The following ADCY2 variants were observed in gnomAD, a reference collection of about 807,000 sequenced individuals.
ADCY2 encodes the protein adenylate cyclase type 2.
A neutral mutation model predicts 125.2 loss-of-function variants in ADCY2; 31 were observed. The ratio of observed to expected loss-of-function variants is 0.25; its 90% CI spans 0.19 to 0.33. The LOEUF (loss-of-function observed/expected upper bound fraction) is 0.33, where lower values mean the gene tolerates loss of function less well. Ranked by LOEUF, ADCY2 falls within the 10% of genes least tolerant of loss-of-function variation. ADCY2 has a pLI of 1.00. For synonymous variants in ADCY2, 512 were observed against 548.4 expected (o/e 0.93, Z 0.93); for missense variants, 904 against 1,418.2 (o/e 0.64, Z 5.82).
At chr5:7,511,115 T>C (rs1744040482) in intron 2 of ADCY2, among the ~76,000 whole-genome samples, 1 of 152,114 alleles carries the variant, frequency 6.6e-6, no homozygotes, top group Non-Finnish European at 1.5e-5. Context: ...TTCATTGAGG[T>C]TTTTTAGGTG....
intron 2 of ADCY2, among the ~76,000 whole-genome samples, chr5:7,475,679 G>A (rs1742499802): frequency 6.6e-6 from 1 of 152,222 alleles, no homozygotes; most frequent in African/African-American, 2.4e-5. Context: ...ACTGCACCCG[G>A]CAAGATGTAT....
chr5:7,428,678 CCATGTTCAAA>C (rs1446497408), intron 2 of ADCY2, among the ~76,000 whole-genome samples: 2 of 152,138 alleles, frequency 1.3e-5, no homozygotes, highest in African/African-American at 4.8e-5. Flanking sequence ...TTTTGTATGT[CCATGTTCAAA>C]CATGATGCAG....
intron 3 of ADCY2, among the ~76,000 whole-genome samples, chr5:7,603,634 A>G (rs2126637733): frequency 6.6e-6 from 1 of 151,892 alleles, no homozygotes; most frequent in South Asian, 2.1e-4. Context: ...TAGACGGGAA[A>G]CTCACCATAT....
chr5:7,541,560 C>T (rs1734997257), intron 3 of ADCY2, among the ~76,000 whole-genome samples: 1 of 152,176 alleles, frequency 6.6e-6, no homozygotes, highest in Non-Finnish European at 1.5e-5. Flanking sequence ...GACCTGGCCC[C>T]AATGGACCAG....
intron 2 of ADCY2, among the ~76,000 whole-genome samples, chr5:7,454,638 T>C (rs1741602775): frequency 6.6e-6 from 1 of 152,362 alleles, no homozygotes; most frequent in Non-Finnish European, 1.5e-5. Flanking sequence ...GCAAAAATTA[T>C]AATGTAAGTA....
chr5:7,789,780 G>T lies in ADCY2; in HGVS notation c.2608G>T (p.Ala870Ser). 7.0e-7 allele frequency: 1 copy of T among 1,421,212 alleles called. No homozygotes were observed. 88.0% of individuals were successfully genotyped at this position (1,421,212 alleles called of 1,614,324 possible). A position where few individuals can be genotyped will look rare whatever the true frequency, so the allele number is the denominator to read the frequency against. ...CGCGCACGTGGCTGAGCACTTCCTGGCCAGGAGCCTGAAGAATGAGGTCAG... is the reference window on the plus strand; with the variant it reads ...CGCGCACGTGGCTGAGCACTTCCTGTCCAGGAGCCTGAAGAATGAGGTCAG... ...LPAHVAEHFL[A>S]RSLKNEELYH... The change falls in exon 20 of 25, where the codon GCC becomes TCC. Residue 870 changes from alanine to serine, a missense_variant. By Grantham distance (99) the Ala-to-Ser change is moderately conservative. This residue lies in a region of ADCY2 where 181 missense variants were observed against 381.6 expected (regional missense o/e 0.47). Coordinates refer to ENST00000338316, the MANE Select transcript of ADCY2 (RefSeq NM_020546.3).
intron 17 of ADCY2, 124 bp from the exon 18 acceptor site, chr5:7,772,808 T>A (rs1298139377): frequency 1.2e-6 from 1 of 838,134 alleles, no homozygotes; most frequent in East Asian, 2.7e-5. Context: ...GAAACAAGCC[T>A]CTGTTTTCAC....
chr5:7,690,876 G>A (rs1361803946), intron 5 of ADCY2, 37 bp downstream of exon 5: 3 of 1,481,798 alleles, frequency 2.0e-6, no homozygotes, highest in Non-Finnish European at 1.8e-6. Context: ...TGGTCTGGGA[G>A]TCTGCCTGAC....
At chr5:7,631,763 A>G (rs1245884851) in intron 4 of ADCY2, among the ~76,000 whole-genome samples, 1 of 152,122 alleles carries the variant, frequency 6.6e-6, no homozygotes, top group Non-Finnish European at 1.5e-5. Context: ...GCCATCCCCA[A>G]AGATCCCTCC....
chr5:7,714,713 T>C (rs993109591), intron 11 of ADCY2, among the ~76,000 whole-genome samples: 2 of 152,246 alleles, frequency 1.3e-5, no homozygotes, highest in African/African-American at 4.8e-5. Context: ...TCTGTAGTCA[T>C]TGATCTTTGG....
chr5:7,570,106 A>G (rs1189876737), intron 3 of ADCY2, among the ~76,000 whole-genome samples: 1 of 152,090 alleles, frequency 6.6e-6, no homozygotes, highest in Non-Finnish European at 1.5e-5. Flanking sequence ...CTGCTTGAAA[A>G]TTTCACTTAA....
At chr5:7,784,980 A>G (rs1744039128) in intron 19 of ADCY2, among the ~76,000 whole-genome samples, 1 of 152,202 alleles carries the variant, frequency 6.6e-6, no homozygotes. Context: ...GGTCTCCCAC[A>G]GAGGCTGTGG....
At chr5:7,535,397 A>G (rs1050506615) in intron 3 of ADCY2, among the ~76,000 whole-genome samples, 2 of 152,212 alleles carry the variant, frequency 1.3e-5, no homozygotes, top group African/African-American at 2.4e-5. Context: ...GTTTGAATAA[A>G]TGCATCACTC....
intron 3 of ADCY2, among the ~76,000 whole-genome samples, chr5:7,572,709 T>A (rs1736104115): frequency 6.6e-6 from 1 of 152,188 alleles, no homozygotes; most frequent in South Asian, 2.1e-4. Context: ...TCTTTGCCAG[T>A]GCCTATGTTC....
At chr5:7,745,022 A>AT (rs751321837) in intron 15 of ADCY2, among the ~76,000 whole-genome samples, 31 of 152,116 alleles carry the variant, frequency 2.0e-4, no homozygotes, top group Middle Eastern at 3.4e-3. Context: ...CTATGAAAGA[A>AT]TTTTTTCTCA....
chr5:7,430,537 A>G (rs568332371), intron 2 of ADCY2, among the ~76,000 whole-genome samples: 1 of 146,088 alleles, frequency 6.8e-6, no homozygotes, highest in East Asian at 2.0e-4. Flanking sequence ...TATATATACT[A>G]TATATATATA....
In ADCY2 at chr5:7,654,262, C is replaced by T. The variant is rs570605194; in HGVS notation, c.720+27946C>T. On this transcript the variant is annotated intron_variant, in intron 4 of 24. Transcript: ENST00000338316. ...GTTTCAGGAAGGAAGAAGGCAATGGCCTGTGTCCTAACAAGAGGAGCTCTG... is the reference window on the plus strand; with the variant it reads ...GTTTCAGGAAGGAAGAAGGCAATGGTCTGTGTCCTAACAAGAGGAGCTCTG... 7 of 417,428 alleles carry T rather than the reference C, an allele frequency of 1.7e-5. No homozygotes were observed. In the East Asian group the frequency reaches 4.3e-4, roughly 25 times the overall value. The allele number at this position is 417,428 out of a possible 1,614,324, so 25.9% of individuals were successfully genotyped here. A position where few individuals can be genotyped will look rare whatever the true frequency, so the allele number is the denominator to read the frequency against.
chr5:7,725,131 G>A (rs1203574752), intron 13 of ADCY2, among the ~76,000 whole-genome samples: 1 of 152,148 alleles, frequency 6.6e-6, no homozygotes, highest in Non-Finnish European at 1.5e-5. Context: ...TAAGTAAGCA[G>A]ACATTTAGTT....
At chr5:7,812,005 G>A (rs562325998) in intron 22 of ADCY2, among the ~76,000 whole-genome samples, 3 of 152,294 alleles carry the variant, frequency 2.0e-5, no homozygotes, top group South Asian at 4.1e-4. Context: ...GGAGTGAACC[G>A]GGAGTACAAA....
Sources: allele counts gnomAD v4.1 joint callset (sites outside exome capture counted in the v4.1 genomes callset), GRCh38; gene constraint gnomAD v4.1.1; regional missense constraint gnomAD v4.1.1; transcripts MANE v1.5; gene names NCBI Gene and HGNC (gene_info 2026-07-23, HGNC 2026-07-21).